The following MIPOL1 variants were observed in gnomAD, a reference collection of about 807,000 sequenced individuals.
MIPOL1 encodes mirror-image polydactyly 1.
Under a neutral mutation model 60.9 loss-of-function variants are expected in MIPOL1, and 57 were observed. That is an observed-to-expected ratio of 0.94 (90% CI 0.76 to 1.17). MIPOL1 has a LOEUF of 1.17. Among genes scored for constraint, MIPOL1 ranks in the 50% most tolerant of loss-of-function variants. MIPOL1 has a pLI of 0.00. For synonymous variants in MIPOL1, 179 were observed against 168.8 expected (o/e 1.06, Z -0.47); for missense variants, 551 against 511.6 (o/e 1.08, Z -0.74).
intron 9 of MIPOL1, among the ~76,000 whole-genome samples, chr14:37,357,351 C>G (rs2091917500): frequency 6.6e-6 from 1 of 152,096 alleles, no homozygotes; most frequent in South Asian, 2.1e-4. Context: ...GTTGCCTGTG[C>G]TTGTGGGATA....
intron 3 of MIPOL1, among the ~76,000 whole-genome samples, chr14:37,264,553 G>A (rs1022979987): frequency 5.3e-5 from 8 of 151,932 alleles, no homozygotes; most frequent in African/African-American, 9.7e-5. Flanking sequence ...GCTTAAGCCC[G>A]GGAGGTCAAG....
chr14:37,284,183 C>T (rs944165103), intron 6 of MIPOL1, among the ~76,000 whole-genome samples: 1 of 152,182 alleles, frequency 6.6e-6, no homozygotes, highest in Non-Finnish European at 1.5e-5. Flanking sequence ...GTGCCCCCTG[C>T]TCTGTGCAGA....
At chr14:37,259,016 ACTT>A (rs1305281183) in intron 3 of MIPOL1, among the ~76,000 whole-genome samples, 1 of 152,072 alleles carries the variant, frequency 6.6e-6, no homozygotes, top group Non-Finnish European at 1.5e-5. Flanking sequence ...TAATCTCACC[ACTT>A]CTTTTTGGCA....
chr14:37,415,381 G>A (rs1426636514), intron 10 of MIPOL1, among the ~76,000 whole-genome samples: 2 of 152,068 alleles, frequency 1.3e-5, no homozygotes, highest in African/African-American at 4.8e-5. Context: ...CCAGCACTTT[G>A]GGAGGCCGAG....
At chr14:37,500,462 C>A (rs2095199910) in intron 12 of MIPOL1, among the ~76,000 whole-genome samples, 1 of 152,084 alleles carries the variant, frequency 6.6e-6, no homozygotes, top group African/African-American at 2.4e-5. Context: ...AAGAGGCAGT[C>A]AAGTTACCAC....
At chr14:37,510,854 C>G (rs2095322476) in intron 12 of MIPOL1, among the ~76,000 whole-genome samples, 1 of 152,106 alleles carries the variant, frequency 6.6e-6, no homozygotes, top group African/African-American at 2.4e-5. Context: ...TTACTAGTTT[C>G]ATAGAAAAGC....
At chr14:37,226,376 T>C (rs1969736762) in intron 1 of MIPOL1, among the ~76,000 whole-genome samples, 1 of 152,190 alleles carries the variant, frequency 6.6e-6, no homozygotes, top group African/African-American at 2.4e-5. Flanking sequence ...GGACTCACAG[T>C]TCTACGTGGA....
At chr14:37,384,445 A>C (rs535799296) in intron 10 of MIPOL1, among the ~76,000 whole-genome samples, 13 of 151,876 alleles carry the variant, frequency 8.6e-5, no homozygotes, top group Non-Finnish European at 1.0e-4. Context: ...CTATTCATTA[A>C]TTTTTATTTT....
At chr14:37,263,505 A>G (rs1242843880) in intron 3 of MIPOL1, among the ~76,000 whole-genome samples, 1 of 152,196 alleles carries the variant, frequency 6.6e-6, no homozygotes, top group Non-Finnish European at 1.5e-5. Context: ...AGTAAATGCA[A>G]AAGTTGGGAA....
At chr14:37,376,855 G>A (rs972136790) in intron 10 of MIPOL1, among the ~76,000 whole-genome samples, 1 of 152,132 alleles carries the variant, frequency 6.6e-6, no homozygotes. Context: ...ATAGGAAACT[G>A]CCAATTGTCT....
intron 9 of MIPOL1, among the ~76,000 whole-genome samples, chr14:37,346,050 A>G (rs893394283): frequency 1.3e-5 from 2 of 152,016 alleles, no homozygotes; most frequent in African/African-American, 4.8e-5. Flanking sequence ...CTGAATGTGG[A>G]TGAGCACGAT....
intron 3 of MIPOL1, among the ~76,000 whole-genome samples, chr14:37,259,192 C>A (rs1382117368): frequency 6.6e-6 from 1 of 152,086 alleles, no homozygotes; most frequent in Non-Finnish European, 1.5e-5. Flanking sequence ...TATCTTATAG[C>A]TACACGTAGC....
chr14:37,242,186 A>G (rs1972468999), intron 1 of MIPOL1, among the ~76,000 whole-genome samples: 1 of 151,980 alleles, frequency 6.6e-6, no homozygotes, highest in Non-Finnish European at 1.5e-5. Flanking sequence ...CACCCAATTA[A>G]AAAACCAAAT....
Position 37,270,431 on chromosome 14 carries a change from A to G in MIPOL1, c.399A>G (p.Lys133=). 1 of 1,573,812 alleles carries G rather than the reference A, an allele frequency of 6.4e-7. No homozygotes were observed. The part of the protein sequence containing the change: ...LRTSNKKLQQ[K]LAKEDKEQRK... ...TCAATGTGCTTTAGCTTCAGCAGAA[A>G]TTGGCTAAAGAAGATAAAGAACAGA... is the stretch of plus-strand genomic sequence containing the variant. The change falls in exon 6 of 13, where the codon AAA becomes AAG. Residue 133 remains lysine, a synonymous_variant. Coordinates refer to ENST00000684589, the MANE Select transcript of MIPOL1 (RefSeq NM_001388067.1).
intron 11 of MIPOL1, among the ~76,000 whole-genome samples, chr14:37,470,807 CA>C (rs1024811088): frequency 1.3e-5 from 2 of 152,144 alleles, no homozygotes; most frequent in Admixed American, 1.3e-4. Context: ...GGAAAGTAAG[CA>C]GAAACCAGAA....
intron 10 of MIPOL1, among the ~76,000 whole-genome samples, chr14:37,416,605 G>T (rs1423826785): frequency 6.6e-6 from 1 of 152,138 alleles, no homozygotes; most frequent in African/African-American, 2.4e-5. Context: ...TCTTATATGT[G>T]GTCCGTTGTT....
chr14:37,306,734 G>A (rs1007341163), intron 7 of MIPOL1, among the ~76,000 whole-genome samples: 14 of 151,580 alleles, frequency 9.2e-5, no homozygotes, highest in Non-Finnish European at 3.0e-5. Context: ...TTTTCTGTTA[G>A]GTTTTTCAAT....
chr14:37,410,995 T>C (rs1595657148), intron 10 of MIPOL1, among the ~76,000 whole-genome samples: 1 of 152,152 alleles, frequency 6.6e-6, no homozygotes, highest in Non-Finnish European at 1.5e-5. Context: ...TTTCTTTAAA[T>C]GTCAAAGGAT....
rs539557849 is a variant in MIPOL1, at chr14:37,432,576, A to G, written c.1031+9627A>G. On this transcript the variant is annotated intron_variant, in intron 11 of 12. Transcript: ENST00000684589. ...TGGGTCAAAATGGTGTCTCCATATAATAAAGCAAATATATCACCTACCAAA... is the reference window on the plus strand; with the variant it reads ...TGGGTCAAAATGGTGTCTCCATATAGTAAAGCAAATATATCACCTACCAAA... 5.9e-5 allele frequency among the ~76,000 whole-genome samples: 9 copies of G among 152,324 alleles called. No individual in the cohort carries two copies. The South Asian group carries it at 1.7e-3, about 28-fold the overall frequency.
Sources: allele counts gnomAD v4.1 joint callset (sites outside exome capture counted in the v4.1 genomes callset), GRCh38; gene constraint gnomAD v4.1.1; transcripts MANE v1.5; gene names NCBI Gene and HGNC (gene_info 2026-07-23, HGNC 2026-07-21).